The following OGT variants were observed in gnomAD, a reference collection of about 807,000 sequenced individuals.
The protein encoded by OGT is UDP-N-acetylglucosamine--peptide N-acetylglucosaminyltransferase 110 kDa subunit.
A neutral mutation model predicts 75.8 loss-of-function variants in OGT; 3 were observed. The observed-to-expected ratio is 0.04, with a 90% CI of 0.02 to 0.10. OGT has a LOEUF of 0.10. OGT is among the 10% of genes least tolerant of loss of function. OGT has a pLI of 1.00. For missense variants in OGT, 260 were observed against 824.4 expected (o/e 0.32, Z 8.38); for synonymous variants, 257 against 289.7 (o/e 0.89, Z 1.15).
chrX:71,546,694 G>A (rs1391200690), intron 4 of OGT: 1 of 741,059 alleles, frequency 1.3e-6, no homozygotes, highest in Non-Finnish European at 1.6e-6. Flanking sequence ...CTTAGTAAAA[G>A]CTTCTAACTC....
At chrX:71,547,462 A>G (rs1279212055) in intron 4 of OGT, 7 of 747,029 alleles carry the variant, frequency 9.4e-6, no homozygotes, top group African/African-American at 2.3e-5. Flanking sequence ...TTTCAGCCAT[A>G]CCTCTTAACA....
At position 71,558,765 on chromosome X, in the gene OGT, C is replaced by CTTT. The variant is rs397895020; in HGVS notation, c.1603-478_1603-476dup. On this transcript the variant is annotated intron_variant, in intron 12 of 21. Transcript: ENST00000373719. Reference sequence around the variant, plus strand: ...CCTACAAGTGTTAGATTTGCTCGTACTTTTTTTTTTTTTTTTTTTTTTTTT... The same window carrying CTTT: ...CCTACAAGTGTTAGATTTGCTCGTACTTTTTTTTTTTTTTTTTTTTTTTTTTTT... Among the ~76,000 whole-genome samples, 8 of 61,478 alleles carry CTTT rather than the reference C, an allele frequency of 1.3e-4. 1 individual carries two copies. The highest frequency in any genetic ancestry group is 3.3e-4 in the African/African-American group (4 of 12,094). 53.4% of individuals were successfully genotyped at this position (61,478 alleles called of 115,157 possible).
At chrX:71,534,030 C>G (rs1364828212) in intron 1 of OGT, among the ~76,000 whole-genome samples, 1 of 111,042 alleles carries the variant, frequency 9.0e-6, no homozygotes, top group East Asian at 2.8e-4. Flanking sequence ...TGCCCTCAGC[C>G]TGGATTTCCC....
chrX:71,549,406 A>G (rs192118213), intron 5 of OGT, among the ~76,000 whole-genome samples: 12 of 110,041 alleles, frequency 1.1e-4, no homozygotes, highest in African/African-American at 4.0e-4. Context: ...GTGTATCGGG[A>G]CATAACCCCA....
chrX:71,542,651 T>C (rs907126767), intron 3 of OGT, among the ~76,000 whole-genome samples: 1 of 112,020 alleles, frequency 8.9e-6, no homozygotes, highest in African/African-American at 3.2e-5. Context: ...TTCTGATTAT[T>C]ATGACTTAGA....
At chrX:71,539,337 T>C in intron 3 of OGT, among the ~76,000 whole-genome samples, 1 of 112,550 alleles carries the variant, frequency 8.9e-6, no homozygotes, top group East Asian at 2.8e-4. Context: ...GTGTCCTTTT[T>C]AGAAAATCCA....
At position 71,556,361 on chromosome X, in the gene OGT, T is replaced by C. The variant is rs939580812; in HGVS notation, c.1065+267T>C. ...CCCACAGTTCAAGAGAAGTTACTTA[T>C]AAGTATATAATCTTAGTGCCTGATG... On this transcript the variant is annotated intron_variant, in intron 8 of 21. Transcript: ENST00000373719. The C allele has an allele frequency of 6.0e-5, 23 of 380,587 alleles. No homozygotes were observed. In the East Asian group the frequency reaches 8.4e-4, roughly 14 times the overall value. 31.4% of individuals were successfully genotyped at this position (380,587 alleles called of 1,213,427 possible). A position where few individuals can be genotyped will look rare whatever the true frequency, so the allele number is the denominator to read the frequency against.
intron 10 of OGT, 21 bp downstream of exon 10, chrX:71,557,126 A>G (rs1186279435): frequency 3.3e-6 from 4 of 1,205,803 alleles, no homozygotes; most frequent in Non-Finnish European, 4.5e-6. Flanking sequence ...TTATTATAAT[A>G]TGTGCAGTTT....
intron 4 of OGT, chrX:71,546,688 G>A: frequency 6.8e-6 from 5 of 739,861 alleles, no homozygotes; most frequent in Non-Finnish European, 8.0e-6. Flanking sequence ...AATTTACTTA[G>A]TAAAAGCTTC....
intron 7 of OGT, 115 bp from the exon 8 acceptor site, chrX:71,555,839 A>G: frequency 1.1e-6 from 1 of 925,770 alleles, no homozygotes. Context: ...ACCAAAAAAT[A>G]TCAATTTTCT....
At chrX:71,538,997 T>TA (rs983079410) in intron 3 of OGT, among the ~76,000 whole-genome samples, 24 of 111,041 alleles carry the variant, frequency 2.2e-4, no homozygotes, top group African/African-American at 6.2e-4. Context: ...TTTTATCAAT[T>TA]AAAAAAAAAC....
At chrX:71,555,134 T>TTG (rs376605851) in intron 6 of OGT, 56 bp from the exon 7 acceptor site, 84,308 of 478,300 alleles carry the variant, frequency 0.18, 2,983 homozygotes, top group Middle Eastern at 0.19. Context: ...GAGTTACATT[T>TTG]TGTGTGTGTG....
chrX:71,558,363 TA>T (rs1312281362), intron 12 of OGT, among the ~76,000 whole-genome samples: 7 of 109,691 alleles, frequency 6.4e-5, no homozygotes, highest in Non-Finnish European at 1.3e-4. Flanking sequence ...GTGCTAGGTG[TA>T]CTTTTTTTTT....
intron 5 of OGT, 85 bp from the exon 6 acceptor site, chrX:71,554,428 C>T: frequency 1.7e-6 from 1 of 599,922 alleles, no homozygotes; most frequent in Non-Finnish European, 2.8e-6. Context: ...CTGCAAGGAC[C>T]TTGGAGTAAA....
intron 21 of OGT, among the ~76,000 whole-genome samples, chrX:71,572,881 T>C (rs747131916): frequency 5.3e-5 from 6 of 112,598 alleles, no homozygotes; most frequent in Non-Finnish European, 1.1e-4. Context: ...ATGAAAAATA[T>C]ATTCAAAAGG....
At chrX:71,552,902 T>C (rs1569427200) in intron 5 of OGT, among the ~76,000 whole-genome samples, 5 of 111,069 alleles carry the variant, frequency 4.5e-5, no homozygotes, top group Admixed American at 2.9e-4. Context: ...TCAAACATGA[T>C]ATATGAATTG....
chrX:71,573,580 C>T, intron 21 of OGT, 40 bp from the exon 22 acceptor site: 1 of 1,135,097 alleles, frequency 8.8e-7, no homozygotes. Context: ...TGAGTTTCTG[C>T]TCTGATTTGT....
Position 71,563,042 on chromosome X carries a change from C to T in OGT, c.2148+25C>T, listed in dbSNP as rs749045526. On this transcript the variant is annotated intron_variant, in intron 16 of 21. Transcript: ENST00000373719. ...GGTAGGTATGAAACAGTGCTATGGA[C>T]GAATTTCAAAGAACTGTAGCTTTTT... 1.3e-5 allele frequency: 15 copies of T among 1,194,018 alleles called. No homozygotes were observed. The Middle Eastern group carries it at 7.0e-4, about 55-fold the overall frequency.
chrX:71,561,906 C>A lies in OGT; in HGVS notation c.1977+6C>A, dbSNP rs1398648401. On this transcript the variant is annotated splice_donor_region_variant and intron_variant, in intron 15 of 21. Coordinates refer to ENST00000373719, the MANE Select transcript of OGT (RefSeq NM_181672.3). The stretch of plus-strand genomic sequence containing the variant: ...TCAGGCCAGCTCCTATTCAGGTAAA[C>A]AAATTAACAGTCATCACTTATAACA... The A allele has an allele frequency of 5.9e-6, 7 of 1,185,871 alleles. No homozygotes were observed. The Admixed American group carries it at 1.4e-4, about 24-fold the overall frequency.
Sources: gnomAD v4.1 joint callset for allele counts (sites outside exome capture counted in the v4.1 genomes callset) on GRCh38, gnomAD v4.1.1 for gene constraint, MANE v1.5 for transcripts, NCBI Gene and HGNC (gene_info 2026-07-23, HGNC 2026-07-21) for gene names.